Variants in CCDC7 observed in about 807,000 individuals in gnomAD.
CCDC7 encodes coiled-coil domain containing 7, also known as coiled-coil domain-containing protein 7.
A neutral mutation model predicts 196.9 loss-of-function variants in CCDC7; 183 were observed. The ratio of observed to expected loss-of-function variants is 0.93; its 90% CI spans 0.82 to 1.05. The LOEUF is 1.05. Ranked by LOEUF, CCDC7 falls within the 50% of genes least tolerant of loss-of-function variation. The probability of loss-of-function intolerance (pLI) is 0.00; values close to 1 mark genes in which losing one functional copy is unlikely to be tolerated. For missense variants in CCDC7, 1,540 were observed against 1,482.2 expected, an observed-to-expected ratio of 1.04 and a Z score of -0.64; for synonymous variants, 525 against 484.6, an observed-to-expected ratio of 1.08 and a Z score of -1.10.
chr10:32,665,214 T>A (rs1445362976), intron 21 of CCDC7, among the ~76,000 whole-genome samples: 1 of 152,100 alleles, frequency 6.6e-6, no homozygotes, highest in Non-Finnish European at 1.5e-5. Context: ...GGATCTTAAC[T>A]GCTTATCAGA....
At chr10:32,774,857 G>T (rs2079741175) in intron 28 of CCDC7, among the ~76,000 whole-genome samples, 1 of 152,166 alleles carries the variant, frequency 6.6e-6, no homozygotes, top group African/African-American at 2.4e-5. Flanking sequence ...GTGGTAGATT[G>T]ATGGAGGATG....
intron 41 of CCDC7, among the ~76,000 whole-genome samples, chr10:32,859,123 C>T (rs2093874939): frequency 6.6e-6 from 1 of 152,214 alleles, no homozygotes; most frequent in Non-Finnish European, 1.5e-5. Context: ...ACACTTTTCT[C>T]AGCACCACAA....
At position 32,841,611 on chromosome 10, in the gene CCDC7, A is replaced by C. The variant is rs186882939; in HGVS notation, c.3353-3632A>C. Among the ~76,000 whole-genome samples the C allele has an allele frequency of 2.9e-3, 438 of 152,168 alleles. 3 individuals carry two copies. Among genetic ancestry groups the C allele is most frequent in the Non-Finnish European group, 4.8e-3 (325 of 67,952 alleles). ...CATTCTTCACAGAACTAGAAAAAAC[A>C]ATCCTAAAATTCATATGGAACCAAA... On this transcript the variant is annotated intron_variant, in intron 33 of 41. Transcript: ENST00000639629.
At chr10:32,506,377 G>T (rs2045110132) in intron 9 of CCDC7, among the ~76,000 whole-genome samples, 1 of 152,070 alleles carries the variant, frequency 6.6e-6, no homozygotes, top group Admixed American at 6.5e-5. Flanking sequence ...AGACGGGGCA[G>T]CCGGGCAGAG....
intron 11 of CCDC7, among the ~76,000 whole-genome samples, chr10:32,541,551 G>T (rs1172856741): frequency 6.6e-6 from 1 of 152,202 alleles, no homozygotes; most frequent in Non-Finnish European, 1.5e-5. Context: ...AGCTGAGTTC[G>T]GCCCAAAGTG....
intron 41 of CCDC7, among the ~76,000 whole-genome samples, chr10:32,855,338 G>T (rs148107918): frequency 6.6e-6 from 1 of 151,804 alleles, no homozygotes; most frequent in African/African-American, 2.4e-5. Flanking sequence ...TGATTCAGGC[G>T]CATTACATTT....
Position 32,833,353 on chromosome 10 carries a change from TAAAAAA to T in CCDC7, c.3269-1453_3269-1448del, listed in dbSNP as rs71185223. Among the ~76,000 whole-genome samples the T allele has an allele frequency of 4.1e-3, 615 of 150,036 alleles. 3 individuals are homozygous for T. Among genetic ancestry groups the T allele is most frequent in the East Asian group, 0.026 (133 of 5,118 alleles). ...ATTGTATGATATATTACCCTTTTTT[TAAAAAA>T]AAAAAAAAGAAAGCTCAATAAAATC... is the stretch of plus-strand genomic sequence containing the variant. On this transcript the variant is annotated intron_variant, in intron 32 of 41. Coordinates refer to ENST00000639629, the Ensembl canonical transcript of CCDC7.
intron 28 of CCDC7, among the ~76,000 whole-genome samples, chr10:32,745,008 T>C (rs2074472465): frequency 1.3e-5 from 2 of 152,230 alleles, no homozygotes; most frequent in Admixed American, 1.3e-4. Context: ...GTATAAGGTC[T>C]GTATCTAGAT....
chr10:32,835,122 G>A (rs1364357753), intron 33 of CCDC7, among the ~76,000 whole-genome samples: 1 of 152,090 alleles, frequency 6.6e-6, no homozygotes, highest in Non-Finnish European at 1.5e-5. Context: ...CCATAAAAAT[G>A]CAAGGCTGTT....
At chr10:32,567,684 T>G in exon 15 of CCDC7, 1 of 1,609,622 alleles carries the variant, frequency 6.2e-7, no homozygotes, top group Non-Finnish European at 8.5e-7. Context: ...CTGAAAAAGC[T>G]AAGCATCAAC....
chr10:32,790,465 C>T (rs554301749), intron 29 of CCDC7, among the ~76,000 whole-genome samples: 40 of 152,308 alleles, frequency 2.6e-4, no homozygotes, highest in African/African-American at 9.6e-4. Flanking sequence ...GCTGGAGCAG[C>T]CAAGGAGCAC....
exon 25 of CCDC7, chr10:32,711,626 A>G (rs958862071): frequency 3.2e-6 from 5 of 1,578,780 alleles, no homozygotes; most frequent in Middle Eastern, 1.7e-4. Flanking sequence ...ATAGCTCATG[A>G]TGAAGAATCA....
chr10:32,758,193 C>A (rs2504333), intron 28 of CCDC7, among the ~76,000 whole-genome samples: 149,833 of 152,234 alleles, frequency 0.98, 73,774 homozygotes, highest in Middle Eastern at 1. Flanking sequence ...TGGGACCATT[C>A]CTTCTGAAAC....
chr10:32,534,800 A>C (rs1227983714), intron 11 of CCDC7, among the ~76,000 whole-genome samples: 2 of 152,108 alleles, frequency 1.3e-5, no homozygotes, highest in Non-Finnish European at 2.9e-5. Flanking sequence ...TCCTTTGGTC[A>C]AGTTACAGAG....
At chr10:32,557,748 G>GT (rs2054604456) in intron 13 of CCDC7, among the ~76,000 whole-genome samples, 1 of 151,952 alleles carries the variant, frequency 6.6e-6, no homozygotes, top group South Asian at 2.1e-4. Context: ...CTGGAGTACA[G>GT]TGGCAGGATC....
At chr10:32,480,566 T>C (rs561367376) in intron 8 of CCDC7, among the ~76,000 whole-genome samples, 1 of 152,282 alleles carries the variant, frequency 6.6e-6, no homozygotes, top group East Asian at 1.9e-4. Context: ...TATGTTTCCA[T>C]TTTTGTGTGT....
At chr10:32,670,715 G>T (rs559614030) in intron 21 of CCDC7, among the ~76,000 whole-genome samples, 1 of 151,898 alleles carries the variant, frequency 6.6e-6, no homozygotes, top group Non-Finnish European at 1.5e-5. Flanking sequence ...TACAAAGGAC[G>T]TGAACTCATC....
intron 18 of CCDC7, among the ~76,000 whole-genome samples, chr10:32,621,879 ATGCTTATATT>A (rs1564853617): frequency 1.3e-5 from 2 of 152,172 alleles, no homozygotes; most frequent in Non-Finnish European, 2.9e-5. Context: ...ACTGATTCAG[ATGCTTATATT>A]TTCTAGAAAC....
chr10:32,676,706 A>G lies in CCDC7; in HGVS notation c.2123-9264A>G, dbSNP rs1228597493. On this transcript the variant is annotated intron_variant, in intron 21 of 41. Transcript: ENST00000639629. Reference sequence around the variant, plus strand: ...CACCAGTTAGAATGGCAATCATTAAAAAGTCAGGAAACAACAGGTGCTGGA... The same window carrying G: ...CACCAGTTAGAATGGCAATCATTAAGAAGTCAGGAAACAACAGGTGCTGGA... Among the ~76,000 whole-genome samples, 5 of 152,170 alleles carry G rather than the reference A, an allele frequency of 3.3e-5. No homozygotes were observed. In the East Asian group the frequency reaches 5.8e-4, roughly 18 times the overall value.
Sources: allele counts gnomAD v4.1 joint callset (sites outside exome capture counted in the v4.1 genomes callset), GRCh38; gene constraint gnomAD v4.1.1; transcripts MANE v1.5; gene names NCBI Gene and HGNC (gene_info 2026-07-23, HGNC 2026-07-21).